The following ACAN variants were observed in gnomAD, a reference collection of about 807,000 sequenced individuals.
The protein encoded by ACAN is aggrecan, also known as aggrecan core protein.
ACAN carries 47 observed loss-of-function variants against 169.1 expected under a neutral mutation model. The observed-to-expected ratio is 0.28, with a 90% CI of 0.22 to 0.35. The LOEUF is 0.35. Ranked by LOEUF, ACAN falls within the 10% of genes least tolerant of loss-of-function variation. The pLI, the probability that ACAN is intolerant of heterozygous loss-of-function variation, is 1.00. For synonymous variants in ACAN, 1,115 were observed against 1,112.2 expected, an observed-to-expected ratio of 1.00 and a Z score of -0.05; for missense variants, 2,716 against 2,759.9, an observed-to-expected ratio of 0.98 and a Z score of 0.36.
chr15:88,829,303 C>G (rs1164204300), intron 1 of ACAN, among the ~76,000 whole-genome samples: 1 of 152,096 alleles, frequency 6.6e-6, no homozygotes, highest in Non-Finnish European at 1.5e-5. Context: ...CATGATGATC[C>G]CAATTTACAG....
intron 1 of ACAN, among the ~76,000 whole-genome samples, chr15:88,822,365 A>G (rs1355140736): frequency 1.3e-5 from 2 of 152,232 alleles, no homozygotes; most frequent in African/African-American, 2.4e-5. Context: ...ATGCCCTGAA[A>G]TCATACAGAA....
At chr15:88,825,750 T>C (rs1021937597) in intron 1 of ACAN, among the ~76,000 whole-genome samples, 3 of 150,978 alleles carry the variant, frequency 2.0e-5, no homozygotes, top group Non-Finnish European at 4.4e-5. Context: ...TCTTTTCAAG[T>C]ATTTCTGTAC....
chr15:88,857,907 T>G lies in ACAN; in HGVS notation c.5322T>G (p.Tyr1774Ter), dbSNP rs1406497472. ...GISGEASGVL[Y>*]GTSQPFGITD... ...GTGGAGAAGCATCTGGAGTTCTTTATGGCACTAGTCAACCCTTTGGCATAA... is the reference window on the plus strand; with the variant it reads ...GTGGAGAAGCATCTGGAGTTCTTTAGGGCACTAGTCAACCCTTTGGCATAA... Residue 1774 changes from tyrosine (Y) to a stop codon, truncating the protein, a stop_gained, in exon 12 of 19, where the codon TAT (tyrosine) becomes TAG (stop). Transcript: ENST00000560601. LOFTEE classifies it high-confidence loss of function. 6.2e-7 allele frequency: 1 copy of G among 1,613,488 alleles called. No homozygotes were observed.
At chr15:88,828,919 C>T (rs1425775756) in intron 1 of ACAN, among the ~76,000 whole-genome samples, 2 of 152,194 alleles carry the variant, frequency 1.3e-5, no homozygotes, top group South Asian at 2.1e-4. Context: ...ACTCACTAGG[C>T]TAGAAGCAAC....
In ACAN at chr15:88,858,626, T is replaced by C. The variant is rs999310793; in HGVS notation, c.6041T>C (p.Val2014Ala). ...FSGDFASTTN[V>A]SGESSVAMGT... ...GGGGATTTTGCCAGCACCACCAATGTAAGTGGAGAATCCTCTGTAGCCATG... is the reference window on the plus strand; with the variant it reads ...GGGGATTTTGCCAGCACCACCAATGCAAGTGGAGAATCCTCTGTAGCCATG... The change falls in exon 12 of 19, where the codon GTA (valine) becomes GCA (alanine). Residue 2014 changes from valine to alanine, a missense_variant. Physicochemically the swap from Val to Ala is moderately conservative, Grantham distance 64 (BLOSUM62 0). Transcript: ENST00000560601. This position sits in a 1 kb window ranked among gnomAD's most constrained non-coding sequence, Gnocchi z 4.0. The C allele has an allele frequency of 6.2e-7, 1 of 1,613,928 alleles. No individual in the cohort carries two copies. Among genetic ancestry groups the C allele is most frequent in the Non-Finnish European group, 8.5e-7 (1 of 1,179,888 alleles).
rs1163721672 is a variant in ACAN at position 88,869,969 on chromosome 15, G to A, written c.7061-1413G>A. On this transcript the variant is annotated intron_variant, in intron 14 of 18. Transcript: ENST00000560601. This position sits in a 1 kb window ranked among gnomAD's most constrained non-coding sequence, Gnocchi z 4.2. ...CCCAGCTCAGCCCTTAGCCACTGAA[G>A]GGGCCAAAAACTGACCCCCTAAGTC... is the stretch of plus-strand genomic sequence containing the variant. Among the ~76,000 whole-genome samples, 3 of 152,104 alleles carry A rather than the reference G, an allele frequency of 2.0e-5. No homozygotes were observed. The highest frequency in any genetic ancestry group is 7.2e-5 in the African/African-American group (3 of 41,404).
chr15:88,805,347 CG>C (rs1458306716), intron 1 of ACAN, among the ~76,000 whole-genome samples: 1 of 152,014 alleles, frequency 6.6e-6, no homozygotes, highest in Non-Finnish European at 1.5e-5. Context: ...AAGCATTGAG[CG>C]GCAGTGGGGA....
chr15:88,837,886 C>CTAT lies in ACAN; in HGVS notation c.71-776_71-775insATT, dbSNP rs575197300. Among the ~76,000 whole-genome samples the CTAT allele has an allele frequency of 7.7e-4, 87 of 112,890 alleles. 1 individual carries two copies. The highest frequency in any genetic ancestry group is 2.6e-3 in the African/African-American group (79 of 30,436). The allele number at this position is 112,890 out of a possible 152,430, so 74.1% of individuals were successfully genotyped here. ...AATGTATGAGTCTCCATGAAAGGTG[C>CTAT]TTTTTTTTTTTTTTTGGAAAGCTGT... On this transcript the variant is annotated intron_variant, in intron 2 of 18. Coordinates refer to ENST00000560601, the MANE Select transcript of ACAN (RefSeq NM_001369268.1).
chr15:88,865,141 G>A (rs1353601700), intron 13 of ACAN, among the ~76,000 whole-genome samples: 1 of 152,142 alleles, frequency 6.6e-6, no homozygotes, highest in East Asian at 1.9e-4. Flanking sequence ...ATTGCTGGAG[G>A]GCCTTGTTCA....
rs1054477365 is a variant in ACAN, at chr15:88,807,462, A to G, written c.-8+3653A>G. On this transcript the variant is annotated intron_variant, in intron 1 of 18. Coordinates refer to ENST00000560601, the MANE Select transcript of ACAN (RefSeq NM_001369268.1). The surrounding 1 kb of genome is among the most constrained non-coding windows in gnomAD (Gnocchi z 4.0). The stretch of plus-strand genomic sequence containing the variant: ...TGAAGGGCCCGTTTCTGTGACAGCT[A>G]CTTTGGGAGTGGCAGCTCCCCTTCC... 6.6e-6 allele frequency among the ~76,000 whole-genome samples: 1 copy of G among 152,054 alleles called. No individual in the cohort carries two copies. Among genetic ancestry groups the G allele is most frequent in the Admixed American group, 6.6e-5 (1 of 15,246 alleles).
chr15:88,818,075 A>G (rs930877508), intron 1 of ACAN, among the ~76,000 whole-genome samples: 3 of 152,180 alleles, frequency 2.0e-5, no homozygotes, highest in Non-Finnish European at 4.4e-5. Context: ...ACATGTTTCC[A>G]AGTAAGTAAA....
chr15:88,862,198 A>C (rs1897208294), intron 13 of ACAN, among the ~76,000 whole-genome samples: 1 of 152,218 alleles, frequency 6.6e-6, no homozygotes, highest in East Asian at 1.9e-4. Flanking sequence ...GGTCGGATTC[A>C]AGACTTGCAG....
At position 88,842,602 on chromosome 15, in the gene ACAN, C is replaced by T. The variant is rs144182192; in HGVS notation, c.757+735C>T. Reference sequence around the variant, plus strand: ...CTGGCACTTTCTGGGTGAGGGGCCCCGGCCAGGCTTTCTCACCATCGTAGG... The same window carrying T: ...CTGGCACTTTCTGGGTGAGGGGCCCTGGCCAGGCTTTCTCACCATCGTAGG... On this transcript the variant is annotated intron_variant, in intron 5 of 18. Transcript: ENST00000560601. Among the ~76,000 whole-genome samples, 543 of 152,270 alleles carry T rather than the reference C, an allele frequency of 3.6e-3. 4 individuals are homozygous for T. Among genetic ancestry groups the T allele is most frequent in the African/African-American group, 0.012 (517 of 41,546 alleles).
rs887720859 is a variant in ACAN, at chr15:88,847,493, C to T, written c.1604+76C>T. On this transcript the variant is annotated intron_variant, in intron 8 of 18. Coordinates refer to ENST00000560601, the MANE Select transcript of ACAN (RefSeq NM_001369268.1). Reference sequence around the variant, plus strand: ...TAAGGAGCCACAGCCTGACACCGCCCCCAGCACACTGAGCACCCAATACCT... The same window carrying T: ...TAAGGAGCCACAGCCTGACACCGCCTCCAGCACACTGAGCACCCAATACCT... The T allele has an allele frequency of 2.1e-6, 3 of 1,431,244 alleles. No individual in the cohort carries two copies. The Admixed American group carries it at 7.6e-5, about 36-fold the overall frequency. 88.7% of individuals were successfully genotyped at this position (1,431,244 alleles called of 1,614,324 possible). A position where few individuals can be genotyped will look rare whatever the true frequency, so the allele number is the denominator to read the frequency against.
At position 88,838,916 on chromosome 15, in the gene ACAN, C is replaced by G. The variant is rs771780380; in HGVS notation, c.324C>G (p.Asn108Lys). 3 of 1,613,922 alleles carry G rather than the reference C, an allele frequency of 1.9e-6. No individual in the cohort carries two copies. The highest frequency in any genetic ancestry group is 2.5e-6 in the Non-Finnish European group (3 of 1,179,910). The stretch of plus-strand genomic sequence containing the variant: ...ATCAGGACAAGGTCTCACTGCCCAA[C>G]TACCCGGCCATCCCCAGTGACGCCA... ...SAYQDKVSLP[N>K]YPAIPSDATL... Residue 108 changes from asparagine to lysine, a missense_variant, in exon 3 of 19, where the codon AAC becomes AAG. Physicochemically the swap from Asn to Lys is moderately conservative, Grantham distance 94. Coordinates refer to ENST00000560601, the MANE Select transcript of ACAN (RefSeq NM_001369268.1). The surrounding 1 kb of genome is among the most constrained non-coding windows in gnomAD (Gnocchi z 5.1).
chr15:88,849,954 T>C lies in ACAN; in HGVS notation c.2026+223T>C, dbSNP rs1896895947. On this transcript the variant is annotated intron_variant, in intron 10 of 18. Coordinates refer to ENST00000560601, the MANE Select transcript of ACAN (RefSeq NM_001369268.1). The surrounding 1 kb of genome is among the most constrained non-coding windows in gnomAD (Gnocchi z 5.1). Reference sequence around the variant, plus strand: ...GAGACAAGTAGAGATAAATAAGAACTTGAGCTGGTATTTATGTCTACTAGA... The same window carrying C: ...GAGACAAGTAGAGATAAATAAGAACCTGAGCTGGTATTTATGTCTACTAGA... The C allele has an allele frequency of 1.5e-6, 1 of 680,816 alleles. No individual in the cohort carries two copies. The highest frequency in any genetic ancestry group is 2.3e-5 in the Admixed American group (1 of 43,862). 42.2% of individuals were successfully genotyped at this position (680,816 alleles called of 1,614,324 possible).
intron 1 of ACAN, among the ~76,000 whole-genome samples, chr15:88,810,797 G>C (rs533284907): frequency 2.6e-5 from 4 of 152,160 alleles, no homozygotes; most frequent in Non-Finnish European, 5.9e-5. Context: ...GTGAGATGGG[G>C]GCTTGGAGGC....
chr15:88,853,786 G>GTACATACA (rs992864584), intron 11 of ACAN, among the ~76,000 whole-genome samples: 1 of 138,006 alleles, frequency 7.2e-6, no homozygotes, highest in African/African-American at 3.1e-5. Context: ...ACATACATAC[G>GTACATACA]TACATACATA....
Position 88,852,020 on chromosome 15 carries a change from A to G in ACAN, c.2253A>G (p.Thr751=). 1.2e-6 allele frequency: 2 copies of G among 1,603,900 alleles called. No homozygotes were observed. The highest frequency in any genetic ancestry group is 1.7e-6 in the Non-Finnish European group (2 of 1,175,252). ...EWEPAYTPVG[T]SPLPGILPTW... ...AACCAGCCTATACCCCAGTGGGCAC[A>G]TCCCCGCTGCCAGGTTGGTATGGCT... The change falls in exon 11 of 19, where the codon ACA becomes ACG. Residue 751 remains threonine, a synonymous_variant. Transcript: ENST00000560601.
Sources: gnomAD v4.1 joint callset for allele counts (sites outside exome capture counted in the v4.1 genomes callset) on GRCh38, gnomAD v4.1.1 for gene constraint, Gnocchi (gnomAD v3.1) non-coding constraint, MANE v1.5 for transcripts, NCBI Gene and HGNC (gene_info 2026-07-23, HGNC 2026-07-21) for gene names.